Variants in EXD1 observed in about 807,000 individuals in gnomAD.
EXD1 encodes the protein exonuclease 3'-5' domain containing 1, also known as piRNA biogenesis protein EXD1.
A neutral mutation model predicts 49.1 loss-of-function variants in EXD1; 63 were observed. The observed-to-expected ratio is 1.28, with a 90% CI of 1.05 to 1.58. The LOEUF (loss-of-function observed/expected upper bound fraction) is 1.58. Among genes scored for constraint, EXD1 ranks in the 40% most tolerant of loss-of-function variants. The pLI is 0.00. For synonymous variants in EXD1, 234 were observed against 239.2 expected (o/e 0.98, Z 0.20); for missense variants, 748 against 666.0 (o/e 1.12, Z -1.36).
rs80208807 is a variant in EXD1 at position 41,216,140 on chromosome 15, C to G, written c.389-307G>C. On this transcript the variant is annotated intron_variant, in intron 5 of 11. Transcript: ENST00000458580. ...ACCCCAATAATTATGAGTACACACA[C>G]AGTATGTACTCAGTTATTAAATAAA... 3.2e-3 allele frequency among the ~76,000 whole-genome samples: 486 copies of G among 152,148 alleles called. 6 individuals are homozygous for G. Among genetic ancestry groups the G allele is most frequent in the African/African-American group, 0.011 (461 of 41,508 alleles).
chr15:41,183,652 C>T lies in EXD1; in HGVS notation c.*279G>A, dbSNP rs968298087. On this transcript the variant is annotated 3_prime_UTR_variant, in exon 12 of 12. Coordinates refer to ENST00000458580, the MANE Select transcript of EXD1 (RefSeq NM_001286441.2). ...CTAAGCCCAAGATTCTTCCTTTCTT[C>T]AAATCCTCTAAACCCAAATTATGAA... The T allele has an allele frequency of 1.1e-5, 3 of 282,644 alleles. No homozygotes were observed. Among genetic ancestry groups the T allele is most frequent in the African/African-American group, 6.6e-5 (3 of 45,678 alleles). The allele number at this position is 282,644 out of a possible 1,614,324, so 17.5% of individuals were successfully genotyped here.
At chr15:41,188,730 T>G (rs1220624317) in intron 11 of EXD1, among the ~76,000 whole-genome samples, 2 of 151,808 alleles carry the variant, frequency 1.3e-5, no homozygotes, top group Non-Finnish European at 2.9e-5. Flanking sequence ...TTAATATTCA[T>G]AGTATGCTTG....
chr15:41,219,631 A>G (rs2047055821), intron 3 of EXD1, 199 bp downstream of exon 3: 1 of 477,926 alleles, frequency 2.1e-6, no homozygotes, highest in East Asian at 3.4e-5. Context: ...AAGCACCAGC[A>G]CACCTGACAT....
chr15:41,184,117 C>T lies in EXD1; in HGVS notation c.1533G>A (p.Val511=), dbSNP rs766987203. ...LKEETEQLLM[V]ENKEDLKCTK... ...TGCATTTTAAATCTTCCTTGTTTTC[C>T]ACCATCAATAACTGTTCTGTCTCCT... Residue 511 remains valine, a synonymous_variant, in exon 12 of 12, where the codon GTG becomes GTA. Coordinates refer to ENST00000458580, the MANE Select transcript of EXD1 (RefSeq NM_001286441.2). 14 of 1,613,916 alleles carry T rather than the reference C, an allele frequency of 8.7e-6. No homozygotes were observed. The South Asian group carries it at 1.1e-4, about 13-fold the overall frequency.
intron 7 of EXD1, among the ~76,000 whole-genome samples, chr15:41,207,082 A>G (rs573773457): frequency 2.0e-5 from 3 of 149,894 alleles, no homozygotes; most frequent in Non-Finnish European, 4.4e-5. Flanking sequence ...CTCTACTAAA[A>G]ATACAAAAAT....
At chr15:41,208,077 C>T (rs61591279) in intron 7 of EXD1, among the ~76,000 whole-genome samples, 1 of 151,548 alleles carries the variant, frequency 6.6e-6, no homozygotes, top group South Asian at 2.1e-4. Context: ...GCATGTTCCT[C>T]TGATACCCAG....
intron 6 of EXD1, among the ~76,000 whole-genome samples, chr15:41,213,894 T>C (rs898189500): frequency 6.6e-6 from 1 of 152,176 alleles, no homozygotes; most frequent in Non-Finnish European, 1.5e-5. Context: ...GGCATGTGGA[T>C]TATATCTCAA....
At chr15:41,230,426 G>A (rs2047222671) in intron 1 of EXD1, 53 bp downstream of exon 1, 2 of 1,566,058 alleles carry the variant, frequency 1.3e-6, no homozygotes, top group Non-Finnish European at 1.8e-6. Context: ...AGAATAAAAT[G>A]CAAAATTTCT....
chr15:41,228,638 A>G (rs1236477535), intron 1 of EXD1, among the ~76,000 whole-genome samples: 1 of 152,206 alleles, frequency 6.6e-6, no homozygotes, highest in Non-Finnish European at 1.5e-5. Context: ...GCAAAAGGAG[A>G]ATTTTTAAAG....
At chr15:41,215,682 T>C in intron 6 of EXD1, 93 bp downstream of exon 6, 1 of 1,288,690 alleles carries the variant, frequency 7.8e-7, no homozygotes, top group Admixed American at 1.8e-5. Flanking sequence ...CAAGACTCCG[T>C]CTCAAAAAAA....
At position 41,226,543 on chromosome 15, in the gene EXD1, G is replaced by A; in HGVS notation, c.33C>T (p.Ser11=). The change falls in exon 2 of 12, where the codon AGC becomes AGT. Residue 11 remains serine (S), a synonymous_variant. Coordinates refer to ENST00000458580, the MANE Select transcript of EXD1 (RefSeq NM_001286441.2). MDPSSDYHFL[S]QILWKRVKLT... ...GTTTCACCCTCTTCCACAAAATCTG[G>A]CTGAGGAAATGGTAGTCACTGCTGG... 6.5e-7 allele frequency: 1 copy of A among 1,536,004 alleles called. No individual in the cohort carries two copies. The highest frequency in any genetic ancestry group is 8.7e-7 in the Non-Finnish European group (1 of 1,146,852).
At chr15:41,208,865 T>C (rs2046876062) in intron 7 of EXD1, among the ~76,000 whole-genome samples, 1 of 151,650 alleles carries the variant, frequency 6.6e-6, no homozygotes. Flanking sequence ...CACCCCAGAA[T>C]GAAAAGAGAC....
rs1359712394 is a variant in EXD1, at chr15:41,217,078, GA to G, written c.260+18del. The G allele has an allele frequency of 1.2e-6, 2 of 1,604,238 alleles. No individual in the cohort carries two copies. Among genetic ancestry groups the G allele is most frequent in the Non-Finnish European group, 1.7e-6 (2 of 1,173,842 alleles). On this transcript the variant is annotated intron_variant, in intron 4 of 11. Transcript: ENST00000458580. ...CACATTTGGAAAATATCATAATTAAGAAAATTATTCCTTCTTACCTAACAGA... is the reference window on the plus strand; with the variant it reads ...CACATTTGGAAAATATCATAATTAAGAAATTATTCCTTCTTACCTAACAGA...
Position 41,188,079 on chromosome 15 carries a change from G to T in EXD1, c.1056+1858C>A, listed in dbSNP as rs113962589. On this transcript the variant is annotated intron_variant, in intron 11 of 11. Transcript: ENST00000458580. ...TTTACATCAATATTCATAAGTAAAAGTGGTTTATAACAGCAACTGGCAAAC... is the reference window on the plus strand; with the variant it reads ...TTTACATCAATATTCATAAGTAAAATTGGTTTATAACAGCAACTGGCAAAC... Among the ~76,000 whole-genome samples the T allele has an allele frequency of 7.3e-3, 1,095 of 149,774 alleles. 14 individuals carry two copies. The highest frequency in any genetic ancestry group is 0.025 in the African/African-American group (1,020 of 40,842).
At chr15:41,212,117 T>C (rs967004581) in intron 6 of EXD1, among the ~76,000 whole-genome samples, 1 of 152,012 alleles carries the variant, frequency 6.6e-6, no homozygotes, top group Non-Finnish European at 1.5e-5. Context: ...CTAGGATGGC[T>C]ATACTCAAAA....
intron 7 of EXD1, among the ~76,000 whole-genome samples, chr15:41,208,790 T>G (rs902809627): frequency 5.9e-5 from 9 of 152,046 alleles, no homozygotes; most frequent in African/African-American, 2.2e-4. Flanking sequence ...GAGACTCTCA[T>G]TTAATATCTC....
rs2046482384 is a variant in EXD1 at position 41,190,042 on chromosome 15, A to T, written c.951T>A (p.Leu317=). 6.2e-7 allele frequency: 1 copy of T among 1,614,018 alleles called. No homozygotes were observed. Among genetic ancestry groups the T allele is most frequent in the Admixed American group, 1.7e-5 (1 of 59,974 alleles). ...TCATCTCATCTAGGAGTGCCAAGCG[A>T]AGGGGTAACAGGTAGGTAGCTTCCA... The part of the protein sequence containing the change: ...LALEATYLLP[L]RLALLDEMMS... Residue 317 remains leucine (L), a synonymous_variant, in exon 11 of 12, where the codon CTT becomes CTA. Transcript: ENST00000458580.
intron 11 of EXD1, among the ~76,000 whole-genome samples, chr15:41,186,831 A>G (rs1462375823): frequency 6.7e-6 from 1 of 150,302 alleles, no homozygotes; most frequent in Non-Finnish European, 1.5e-5. Context: ...CTGGAGTACA[A>G]TGGTGCACTC....
rs902696004 is a variant in EXD1 at position 41,224,626 on chromosome 15, G to A, written c.133+1817C>T. 3.3e-5 allele frequency among the ~76,000 whole-genome samples: 5 copies of A among 151,992 alleles called. No homozygotes were observed. The East Asian group carries it at 5.8e-4, about 18-fold the overall frequency. Reference sequence around the variant, plus strand: ...TAAATCAGAAAAAAAATATTAACACGAAGCTATTTCATTGGATGCAGCTGC... The same window carrying A: ...TAAATCAGAAAAAAAATATTAACACAAAGCTATTTCATTGGATGCAGCTGC... On this transcript the variant is annotated intron_variant, in intron 2 of 11. Transcript: ENST00000458580.
Sources: gnomAD v4.1 joint callset for allele counts (sites outside exome capture counted in the v4.1 genomes callset) on GRCh38, gnomAD v4.1.1 for gene constraint, MANE v1.5 for transcripts, NCBI Gene and HGNC (gene_info 2026-07-23, HGNC 2026-07-21) for gene names.